Variants in TG observed in about 807,000 individuals in gnomAD.
TG encodes the protein thyroglobulin, also known as thyroid hormones.
Under a neutral mutation model 324.7 loss-of-function variants are expected in TG, and 270 were observed. The observed-to-expected ratio is 0.83, with a 90% CI of 0.75 to 0.92. The LOEUF (loss-of-function observed/expected upper bound fraction) is 0.92. Ranked by LOEUF, TG falls within the 40% of genes least tolerant of loss-of-function variation. The probability of loss-of-function intolerance (pLI) is 0.00; values close to 1 mark genes in which losing one functional copy is unlikely to be tolerated. For synonymous variants in TG, 1,401 were observed against 1,327.0 expected, an observed-to-expected ratio of 1.06 and a Z score of -1.21; for missense variants, 3,591 against 3,456.4, an observed-to-expected ratio of 1.04 and a Z score of -0.98.
rs780846892 is a variant in TG, at chr8:132,867,048, G to A, written c.48G>A (p.Trp16Ter). The change falls in exon 1 of 48, where the codon TGG becomes TGA. Residue 16 changes from tryptophan to a stop codon, truncating the protein, a stop_gained. Coordinates refer to ENST00000220616, the MANE Select transcript of TG (RefSeq NM_003235.5). LOFTEE classifies it high-confidence loss of function. ...EIFTLLASICWVSANIFEYQV... is the reference protein window; with the variant it reads ...EIFTLLASIC ...TCACCCTGCTGGCCTCCATCTGCTG[G>A]GTGTCGGCCAATATCTTCGGTAAGT... 1.2e-6 allele frequency: 2 copies of A among 1,600,788 alleles called. No individual in the cohort carries two copies. Among genetic ancestry groups the A allele is most frequent in the Admixed American group, 3.4e-5 (2 of 58,876 alleles).
At chr8:132,989,007 T>A in intron 35 of TG, 1 of 571,512 alleles carries the variant, frequency 1.7e-6, no homozygotes, top group Non-Finnish European at 2.2e-6. Flanking sequence ...TGGGGAGGCC[T>A]CACAATCATG....
Position 133,005,958 on chromosome 8 carries a change from T to A in TG, c.6263-5943T>A, listed in dbSNP as rs7012887. 4.3e-3 allele frequency among the ~76,000 whole-genome samples: 659 copies of A among 151,978 alleles called. 7 individuals are homozygous for A. The highest frequency in any genetic ancestry group is 0.015 in the African/African-American group (624 of 41,448). ...CTCACCTCTCCCTCCTACTCCATCT[T>A]CTCCCTGCACTGGAGGAAAAGAACT... On this transcript the variant is annotated intron_variant, in intron 35 of 47. Coordinates refer to ENST00000220616, the MANE Select transcript of TG (RefSeq NM_003235.5).
At chr8:132,935,137 C>CTT (rs34047530) in intron 24 of TG, among the ~76,000 whole-genome samples, 3 of 136,396 alleles carry the variant, frequency 2.2e-5, no homozygotes, top group African/African-American at 5.3e-5. Flanking sequence ...CTGGCAAACT[C>CTT]TTTTTTTTTT....
intron 22 of TG, among the ~76,000 whole-genome samples, chr8:132,924,841 T>A (rs1821607306): frequency 1.3e-5 from 2 of 152,326 alleles, no homozygotes; most frequent in South Asian, 4.1e-4. Flanking sequence ...CGGTAGTAAA[T>A]GTCTCAGAAT....
intron 41 of TG, chr8:133,049,902 C>T (rs755878591): frequency 6.9e-6 from 11 of 1,595,776 alleles, no homozygotes; most frequent in Non-Finnish European, 9.5e-6. Context: ...ATGTACTCAC[C>T]CATGGTAAAC....
At chr8:132,945,539 C>T (rs1487266652) in intron 26 of TG, among the ~76,000 whole-genome samples, 4 of 151,972 alleles carry the variant, frequency 2.6e-5, no homozygotes, top group Admixed American at 2.0e-4. Context: ...ATGCAAAGAT[C>T]GAGAGCTCAG....
intron 34 of TG, among the ~76,000 whole-genome samples, chr8:132,978,225 A>G (rs1830409005): frequency 6.6e-6 from 1 of 152,194 alleles, no homozygotes; most frequent in Non-Finnish European, 1.5e-5. Context: ...ACAGTGAGAG[A>G]AAGAGAGAGG....
At chr8:133,026,023 A>G (rs1469594819) in intron 40 of TG, among the ~76,000 whole-genome samples, 1 of 152,128 alleles carries the variant, frequency 6.6e-6, no homozygotes, top group Non-Finnish European at 1.5e-5. Context: ...GGACTCACCC[A>G]TGTTTATTCC....
intron 23 of TG, among the ~76,000 whole-genome samples, chr8:132,932,810 C>G (rs1822915339): frequency 6.6e-6 from 1 of 152,210 alleles, no homozygotes; most frequent in Non-Finnish European, 1.5e-5. Context: ...CCTTGCAGGG[C>G]TGCTGTCTGC....
chr8:132,897,896 A>G, intron 12 of TG, 110 bp downstream of exon 12: 1 of 1,358,104 alleles, frequency 7.4e-7, no homozygotes, highest in East Asian at 2.4e-5. Flanking sequence ...GCTCCTCTTT[A>G]GCAGCTGGTG....
Position 132,887,378 on chromosome 8 carries a change from T to C in TG, c.2006T>C (p.Met669Thr), listed in dbSNP as rs765396579. 1 of 1,614,218 alleles carries C rather than the reference T, an allele frequency of 6.2e-7. No individual in the cohort carries two copies. Among genetic ancestry groups the C allele is most frequent in the Admixed American group, 1.7e-5 (1 of 60,026 alleles). Residue 669 changes from methionine (M) to threonine (T), a missense_variant, in exon 9 of 48, where the codon ATG (methionine) becomes ACG (threonine). Physicochemically the swap from Met to Thr is moderately conservative, Grantham distance 81 (BLOSUM62 -1). Coordinates refer to ENST00000220616, the MANE Select transcript of TG (RefSeq NM_003235.5). ...PTDCEKQRAR[M>T]QSLMGSQPAG... ...GACTGTGAAAAGCAAAGGGCTCGCATGCAAAGCCTCATGGGCAGCCAGCCT... is the reference window on the plus strand; with the variant it reads ...GACTGTGAAAAGCAAAGGGCTCGCACGCAAAGCCTCATGGGCAGCCAGCCT...
chr8:132,870,805 T>G (rs931709212), intron 3 of TG, among the ~76,000 whole-genome samples: 3 of 152,064 alleles, frequency 2.0e-5, no homozygotes, highest in Non-Finnish European at 4.4e-5. Flanking sequence ...TGCCAGGCTC[T>G]TTTTAACATT....
intron 17 of TG, 54 bp from the exon 18 acceptor site, chr8:132,908,132 G>C (rs1818948185): frequency 6.2e-7 from 1 of 1,604,720 alleles, no homozygotes; most frequent in Admixed American, 1.7e-5. Flanking sequence ...CCCAAACAAA[G>C]AAAATAACTC....
intron 31 of TG, 129 bp downstream of exon 31, chr8:132,968,099 A>T: frequency 3.6e-6 from 4 of 1,123,198 alleles, no homozygotes; most frequent in Non-Finnish European, 5.1e-6. Flanking sequence ...TTTCAAGAAG[A>T]TGGGAACATG....
chr8:133,116,823 A>G (rs1850733691), intron 45 of TG, 107 bp downstream of exon 45: 11 of 891,584 alleles, frequency 1.2e-5, no homozygotes, highest in Non-Finnish European at 2.0e-5. Context: ...CAGTTTCCTC[A>G]TCTGAGAAAT....
chr8:132,913,090 T>C lies in TG; in HGVS notation c.4203T>C (p.Asp1401=), dbSNP rs902760451. 5 of 1,614,060 alleles carry C rather than the reference T, an allele frequency of 3.1e-6. No homozygotes were observed. In the African/African-American group the frequency reaches 6.7e-5, roughly 22 times the overall value. Residue 1401 remains aspartate (D), a synonymous_variant, in exon 20 of 48, where the codon GAT becomes GAC. Transcript: ENST00000220616. ...AGGATCTCCTTGGGCGCTTCACAGATCTGATCCAGAGTGGCTCATTCCAGC... is the reference window on the plus strand; with the variant it reads ...AGGATCTCCTTGGGCGCTTCACAGACCTGATCCAGAGTGGCTCATTCCAGC... ...VGKDLLGRFT[D]LIQSGSFQLH... is the part of the protein sequence containing the mutation.
intron 35 of TG, among the ~76,000 whole-genome samples, chr8:132,987,265 G>T (rs1831685225): frequency 1.3e-5 from 2 of 152,126 alleles, no homozygotes; most frequent in Non-Finnish European, 2.9e-5. Flanking sequence ...AAGAATTTTG[G>T]CATGTTCCTT....
intron 37 of TG, among the ~76,000 whole-genome samples, chr8:133,016,455 C>G (rs1226876448): frequency 6.6e-6 from 1 of 152,176 alleles, no homozygotes; most frequent in Non-Finnish European, 1.5e-5. Flanking sequence ...AAATTACTTC[C>G]AGTTGAGAAC....
At chr8:133,003,842 T>A (rs1309601495) in intron 35 of TG, among the ~76,000 whole-genome samples, 1 of 152,178 alleles carries the variant, frequency 6.6e-6, no homozygotes, top group Non-Finnish European at 1.5e-5. Flanking sequence ...GGTATCACCA[T>A]ATAGGGCTGT....
Sources: gnomAD v4.1 joint callset for allele counts (sites outside exome capture counted in the v4.1 genomes callset) on GRCh38, gnomAD v4.1.1 for gene constraint, MANE v1.5 for transcripts, NCBI Gene and HGNC (gene_info 2026-07-23, HGNC 2026-07-21) for gene names.